The following FAM228B variants were observed in gnomAD, a reference collection of about 807,000 sequenced individuals.
FAM228B encodes protein FAM228B.
A neutral mutation model predicts 42.6 loss-of-function variants in FAM228B; 38 were observed. The observed-to-expected ratio is 0.89, with a 90% CI of 0.69 to 1.17. The LOEUF is 1.17. Among genes scored for constraint, FAM228B ranks in the 50% most tolerant of loss-of-function variants. The pLI, the probability that FAM228B is intolerant of heterozygous loss-of-function variation, is 0.00. For missense variants in FAM228B, 344 were observed against 367.3 expected (o/e 0.94, Z 0.52); for synonymous variants, 109 against 122.3 (o/e 0.89, Z 0.72).
intron 3 of FAM228B, among the ~76,000 whole-genome samples, chr2:24,110,401 C>G (rs1312192898): frequency 6.6e-6 from 1 of 152,028 alleles, no homozygotes; most frequent in Non-Finnish European, 1.5e-5. Flanking sequence ...AAGAACCAAC[C>G]CTGTGATTAG....
intron 2 of FAM228B, among the ~76,000 whole-genome samples, chr2:24,081,356 A>G (rs1163426016): frequency 6.6e-6 from 1 of 152,106 alleles, no homozygotes; most frequent in Non-Finnish European, 1.5e-5. Flanking sequence ...TATAACACCA[A>G]AATGCACATC....
intron 3 of FAM228B, chr2:24,115,609 C>G (rs769400939): frequency 6.2e-7 from 1 of 1,612,396 alleles, no homozygotes; most frequent in Non-Finnish European, 8.5e-7. Context: ...CTTAGGTAGT[C>G]TCCTGAAAGC....
At chr2:24,110,150 A>G (rs115019114) in intron 3 of FAM228B, among the ~76,000 whole-genome samples, 2,980 of 152,302 alleles carry the variant, frequency 0.02, 112 homozygotes, top group African/African-American at 0.069. Context: ...ATAGAGGTGG[A>G]GGCATTATCC....
chr2:24,152,391 A>T (rs1178231762), intron 7 of FAM228B, among the ~76,000 whole-genome samples: 5 of 152,170 alleles, frequency 3.3e-5, no homozygotes, highest in Non-Finnish European at 7.3e-5. Context: ...ATGCTTATAG[A>T]TATTCATCAG....
At position 24,084,183 on chromosome 2, in the gene FAM228B, G is replaced by A; in HGVS notation, c.-210+3228G>A. 3 of 1,609,594 alleles carry A rather than the reference G, an allele frequency of 1.9e-6. No homozygotes were observed. The highest frequency in any genetic ancestry group is 4.5e-5 in the East Asian group (2 of 44,776). Reference sequence around the variant, plus strand: ...GCCCGCCCCGGCGCGGCTGAGCCCTGGGTACCTGCATTAAGTCCGCCCGGT... The same window carrying A: ...GCCCGCCCCGGCGCGGCTGAGCCCTAGGTACCTGCATTAAGTCCGCCCGGT... On this transcript the variant is annotated intron_variant, in intron 2 of 10. Coordinates refer to the FAM228B transcript ENST00000613899. The surrounding 1 kb of genome is among the most constrained non-coding windows in gnomAD (Gnocchi z 8.4).
intron 2 of FAM228B, chr2:24,085,059 C>T (rs1222688667): frequency 6.6e-6 from 1 of 152,252 alleles, no homozygotes; most frequent in African/African-American, 2.4e-5. Flanking sequence ...ACTTCCTTCT[C>T]TCTAGGGAAC....
intron 4 of FAM228B, 50 bp downstream of exon 4, chr2:24,138,150 C>T (rs1410407509): frequency 2.2e-6 from 3 of 1,336,788 alleles, no homozygotes; most frequent in African/African-American, 1.5e-5. Context: ...GACCTAATGT[C>T]ATCTTTGTTC....
At chr2:24,126,875 C>CA (rs1388086276) in intron 2 of FAM228B, among the ~76,000 whole-genome samples, 1 of 152,172 alleles carries the variant, frequency 6.6e-6, no homozygotes, top group Non-Finnish European at 1.5e-5. Context: ...CTGCCCGCCT[C>CA]GGCCTCCCAA....
intron 7 of FAM228B, among the ~76,000 whole-genome samples, chr2:24,148,449 T>G (rs2151024260): frequency 6.6e-6 from 1 of 152,296 alleles, no homozygotes; most frequent in African/African-American, 2.4e-5. Context: ...TTCCTTATCC[T>G]TGTGGCAGCC....
upstream of FAM228B, chr2:24,121,307 A>G (rs765897780): frequency 7.4e-6 from 12 of 1,613,724 alleles, no homozygotes; most frequent in Non-Finnish European, 1.0e-5. Context: ...TTACCTGGAG[A>G]GGTTACATGG....
chr2:24,137,208 C>T (rs770878529), intron 3 of FAM228B, among the ~76,000 whole-genome samples: 94 of 152,164 alleles, frequency 6.2e-4, no homozygotes, highest in African/African-American at 2.1e-3. Context: ...ATACTTGGAT[C>T]GTTTCCACCT....
intron 3 of FAM228B, among the ~76,000 whole-genome samples, chr2:24,105,134 A>G (rs1665678976): frequency 6.6e-6 from 1 of 152,206 alleles, no homozygotes; most frequent in Non-Finnish European, 1.5e-5. Context: ...GTAGTTTCCA[A>G]TCCAGTGGTC....
intron 9 of FAM228B, 38 bp from the exon 10 acceptor site, chr2:24,167,589 G>A (rs781082126): frequency 4.3e-5 from 66 of 1,550,778 alleles, no homozygotes; most frequent in East Asian, 4.9e-5. Flanking sequence ...GGCCAGTCTC[G>A]TATAACATAA....
intron 7 of FAM228B, among the ~76,000 whole-genome samples, chr2:24,158,993 C>G (rs1168548294): frequency 6.6e-6 from 1 of 152,154 alleles, no homozygotes; most frequent in Non-Finnish European, 1.5e-5. Flanking sequence ...TTGAAGCAAT[C>G]CAGCAATCCT....
chr2:24,077,906 T>C lies in FAM228B; in HGVS notation c.-290+937T>C. ...TTAACCCCTCACTTCCTAGCATGTG[T>C]GTGAAATACCCTTGAAGGAGTCATG... On this transcript the variant is annotated intron_variant, in intron 1 of 10. Transcript: ENST00000613899. The surrounding 1 kb of genome is among the most constrained non-coding windows in gnomAD (Gnocchi z 5.5). 1.2e-6 allele frequency: 1 copy of C among 806,242 alleles called. No homozygotes were observed. The highest frequency in any genetic ancestry group is 1.9e-6 in the Non-Finnish European group (1 of 516,590). 49.9% of individuals were successfully genotyped at this position (806,242 alleles called of 1,614,324 possible).
chr2:24,086,188 TCG>T (rs1665242220), intron 2 of FAM228B, among the ~76,000 whole-genome samples: 1 of 132,324 alleles, frequency 7.6e-6, no homozygotes, highest in African/African-American at 2.9e-5. Flanking sequence ...TGAGCCGAGA[TCG>T]CACCACTGCA....
chr2:24,152,043 A>G (rs954561067), intron 7 of FAM228B, among the ~76,000 whole-genome samples: 1 of 151,530 alleles, frequency 6.6e-6, no homozygotes, highest in Admixed American at 6.6e-5. Flanking sequence ...TAATTTTTCT[A>G]TTTTTAGTAG....
At chr2:24,149,268 A>G (rs553312143) in intron 7 of FAM228B, among the ~76,000 whole-genome samples, 57 of 152,262 alleles carry the variant, frequency 3.7e-4, no homozygotes, top group African/African-American at 1.3e-3. Context: ...ATCACGTGGT[A>G]GGTCTATTTT....
upstream of FAM228B, among the ~76,000 whole-genome samples, chr2:24,120,343 T>A (rs936052134): frequency 1.3e-5 from 2 of 152,170 alleles, no homozygotes. Context: ...CATTTTGGAA[T>A]TGGACAGCTC....
Sources: allele counts gnomAD v4.1 joint callset (sites outside exome capture counted in the v4.1 genomes callset), GRCh38; gene constraint gnomAD v4.1.1; non-coding constraint Gnocchi (gnomAD v3.1); transcripts MANE v1.5; gene names NCBI Gene and HGNC (gene_info 2026-07-23, HGNC 2026-07-21).